Variants in DNASE1 observed in about 807,000 individuals in gnomAD.
The protein encoded by DNASE1 is deoxyribonuclease 1.
Under a neutral mutation model 33.9 loss-of-function variants are expected in DNASE1, and 40 were observed. The observed-to-expected ratio is 1.18, with a 90% CI of 0.92 to 1.54. The LOEUF is 1.54. DNASE1 is among the 40% of genes most tolerant of loss of function. The pLI, the probability that DNASE1 is intolerant of heterozygous loss-of-function variation, is 0.00. For synonymous variants in DNASE1, 216 were observed against 160.0 expected (o/e 1.35, Z -2.64); for missense variants, 518 against 372.6 (o/e 1.39, Z -3.21).
At chr16:3,648,734 T>C (rs997295960) in intron 1 of DNASE1, among the ~76,000 whole-genome samples, 1 of 152,248 alleles carries the variant, frequency 6.6e-6, no homozygotes, top group Non-Finnish European at 1.5e-5. Context: ...TTCCCAGTTA[T>C]GGGTCAGTGT....
downstream of DNASE1, chr16:3,662,105 C>A (rs142421032): frequency 9.8e-5 from 158 of 1,612,788 alleles, 2 homozygotes; most frequent in Middle Eastern, 9.9e-4. Context: ...GTGACCATGG[C>A]AGGGTGGGTG....
chr16:3,656,662 C>T lies in DNASE1; in HGVS notation c.345C>T (p.Asp115=), dbSNP rs1022066689. 3.5e-5 allele frequency: 57 copies of T among 1,612,914 alleles called. 1 individual carries two copies. Among genetic ancestry groups the T allele is most frequent in the Non-Finnish European group, 4.7e-5 (55 of 1,179,534 alleles). ...GGCCTGACCAGGTGTCTGCGGTGGA[C>T]AGCTACTACTACGATGATGGCTGCG... The part of the protein sequence containing the change: ...VYRPDQVSAV[D]SYYYDDGCEP... The change falls in exon 5 of 9, where the codon GAC becomes GAT. Residue 115 remains aspartate, a synonymous_variant. Transcript: ENST00000246949.
At chr16:3,663,709 C>G in exon 10 of DNASE1, 1 of 934,562 alleles carries the variant, frequency 1.1e-6, no homozygotes, top group Non-Finnish European at 1.6e-6. Context: ...GCCTGCATGA[C>G]AGTTACTACG....
chr16:3,613,820 C>T (rs1567182093), intron 1 of DNASE1, among the ~76,000 whole-genome samples: 1 of 152,040 alleles, frequency 6.6e-6, no homozygotes. Context: ...GTGGTGTGTG[C>T]AACCTCCACT....
chr16:3,623,326 A>C (rs953483726), intron 1 of DNASE1, among the ~76,000 whole-genome samples: 6 of 152,198 alleles, frequency 3.9e-5, no homozygotes, highest in Non-Finnish European at 7.3e-5. Flanking sequence ...CTCTCACCGC[A>C]TACAAAAATT....
downstream of DNASE1, chr16:3,658,606 G>C (rs1305408801): frequency 1.1e-5 from 7 of 610,576 alleles, no homozygotes; most frequent in Non-Finnish European, 2.0e-5. Flanking sequence ...CCGGGAGGCA[G>C]AGGTTGTAGT....
At chr16:3,664,124 C>T in exon 10 of DNASE1, 1 of 797,618 alleles carries the variant, frequency 1.3e-6, no homozygotes, top group Non-Finnish European at 1.8e-6. Flanking sequence ...ACAGCCGTCA[C>T]AGTCGGTCCG....
chr16:3,658,328 G>C, downstream of DNASE1: 1 of 961,782 alleles, frequency 1.0e-6, no homozygotes, highest in Middle Eastern at 2.1e-4. Flanking sequence ...AGGCTGGAGT[G>C]CAGAGGCACG....
intron 6 of DNASE1, 37 bp from the exon 7 acceptor site, chr16:3,657,150 C>G (rs775126039): frequency 1.2e-5 from 20 of 1,613,982 alleles, no homozygotes; most frequent in East Asian, 2.2e-5. Flanking sequence ...CAGCGGCCTC[C>G]GCATGTCCCA....
At chr16:3,624,193 C>G (rs997931428) in intron 1 of DNASE1, among the ~76,000 whole-genome samples, 1 of 150,920 alleles carries the variant, frequency 6.6e-6, no homozygotes, top group Non-Finnish European at 1.5e-5. Context: ...CGCTTGAACC[C>G]GGGAGGCAGA....
chr16:3,663,521 C>A (rs762969531), exon 10 of DNASE1: 45 of 1,613,994 alleles, frequency 2.8e-5, no homozygotes, highest in Non-Finnish European at 3.8e-5. Context: ...CACGAAGGTG[C>A]AGCAGGGTGA....
At chr16:3,631,619 G>T (rs2041704106) in intron 1 of DNASE1, among the ~76,000 whole-genome samples, 1 of 152,088 alleles carries the variant, frequency 6.6e-6, no homozygotes, top group African/African-American at 2.4e-5. Flanking sequence ...CTACCTCCCA[G>T]GTTCAAGGGA....
At chr16:3,612,540 C>A (rs2040925931) in intron 1 of DNASE1, among the ~76,000 whole-genome samples, 2 of 144,738 alleles carry the variant, frequency 1.4e-5, no homozygotes, top group African/African-American at 2.6e-5. Flanking sequence ...CGTGAGCCAC[C>A]GCTCACGGCT....
intron 1 of DNASE1, among the ~76,000 whole-genome samples, chr16:3,632,644 A>T (rs944479792): frequency 6.7e-6 from 1 of 150,238 alleles, no homozygotes; most frequent in Non-Finnish European, 1.5e-5. Flanking sequence ...GGAGTGCAGT[A>T]GCTTGATCTC....
downstream of DNASE1, chr16:3,663,034 C>A (rs1017014978): frequency 7.0e-6 from 9 of 1,288,288 alleles, no homozygotes; most frequent in Non-Finnish European, 9.7e-6. Context: ...ATGGGGGCCA[C>A]GCAGCATGCT....
chr16:3,654,603 G>T (rs1009860685), upstream of DNASE1: 3 of 398,636 alleles, frequency 7.5e-6, no homozygotes, highest in Admixed American at 8.8e-5. Context: ...GAAGATGGGG[G>T]CCACCACACG....
At chr16:3,664,352 G>A in exon 10 of DNASE1, 1 of 1,613,134 alleles carries the variant, frequency 6.2e-7, no homozygotes, top group Non-Finnish European at 8.5e-7. Context: ...ACAGGTAGTA[G>A]ATGTTGCGGG....
intron 1 of DNASE1, among the ~76,000 whole-genome samples, chr16:3,629,603 GA>G (rs1412665089): frequency 6.6e-6 from 1 of 152,066 alleles, no homozygotes; most frequent in Non-Finnish European, 1.5e-5. Flanking sequence ...AATGATTTAG[GA>G]AGTATTTCTT....
At chr16:3,664,234 T>C (rs754302006) in exon 10 of DNASE1, 3 of 1,500,744 alleles carry the variant, frequency 2.0e-6, no homozygotes, top group Non-Finnish European at 1.8e-6. Context: ...CCTCCCCAGG[T>C]TGCAGCCCCC....
Sources: allele counts gnomAD v4.1 joint callset (sites outside exome capture counted in the v4.1 genomes callset), GRCh38; gene constraint gnomAD v4.1.1; transcripts MANE v1.5; gene names NCBI Gene and HGNC (gene_info 2026-07-23, HGNC 2026-07-21).